Variants in TMEM108 observed in about 807,000 individuals in gnomAD.
TMEM108 encodes cancer/testis antigen 124.
TMEM108 carries 12 observed loss-of-function variants against 35.1 expected under a neutral mutation model. The observed-to-expected ratio is 0.34, with a 90% CI of 0.22 to 0.55. The LOEUF is 0.55. TMEM108 is among the 20% of genes least tolerant of loss of function. The pLI is 0.89. For synonymous variants in TMEM108, 287 were observed against 308.6 expected, an observed-to-expected ratio of 0.93 and a Z score of 0.73; for missense variants, 680 against 753.3, an observed-to-expected ratio of 0.90 and a Z score of 1.14.
At chr3:133,209,490 A>T (rs185976033) in intron 2 of TMEM108, among the ~76,000 whole-genome samples, 108 of 152,054 alleles carry the variant, frequency 7.1e-4, no homozygotes, top group African/African-American at 2.5e-3. Context: ...AAAGATGGGG[A>T]GCATGTCTCA....
At chr3:133,386,990 G>C (rs1375211163) in intron 4 of TMEM108, 4 of 986,116 alleles carry the variant, frequency 4.1e-6, no homozygotes, top group Non-Finnish European at 4.8e-6. Context: ...TCAGTGCTGG[G>C]AATATAGTAG....
intron 2 of TMEM108, among the ~76,000 whole-genome samples, chr3:133,057,582 G>A (rs1943486352): frequency 6.7e-6 from 1 of 150,284 alleles, no homozygotes; most frequent in South Asian, 2.1e-4. Context: ...TGCATTCTTT[G>A]GTTATTCATG....
At chr3:133,269,290 A>T (rs1320395490) in intron 3 of TMEM108, among the ~76,000 whole-genome samples, 1 of 152,230 alleles carries the variant, frequency 6.6e-6, no homozygotes, top group African/African-American at 2.4e-5. Context: ...TTAAAAACTG[A>T]TAAATGAGCA....
rs533631068 is a variant in TMEM108 at position 133,063,876 on chromosome 3, G to A, written c.-47+17856G>A. Among the ~76,000 whole-genome samples, 23 of 152,186 alleles carry A rather than the reference G, an allele frequency of 1.5e-4. No homozygotes were observed. In the South Asian group the frequency reaches 3.9e-3, roughly 26 times the overall value. ...ACCAAGCATTCATTACCCCTGTCCA[G>A]GGAAGTATAATGAACAGTAGAGGTC... On this transcript the variant is annotated intron_variant, in intron 2 of 5. Coordinates refer to ENST00000321871, the MANE Select transcript of TMEM108 (RefSeq NM_023943.4).
At chr3:133,082,017 C>G (rs1016278509) in intron 2 of TMEM108, among the ~76,000 whole-genome samples, 4 of 152,202 alleles carry the variant, frequency 2.6e-5, no homozygotes, top group Admixed American at 2.6e-4. Flanking sequence ...CCTAAAGACA[C>G]CCACAGCTAG....
At chr3:133,367,578 G>A (rs886449537) in intron 3 of TMEM108, among the ~76,000 whole-genome samples, 1 of 152,236 alleles carries the variant, frequency 6.6e-6, no homozygotes, top group African/African-American at 2.4e-5. Context: ...AACTGGAGCC[G>A]GCAGTGAACC....
intron 3 of TMEM108, among the ~76,000 whole-genome samples, chr3:133,326,862 G>C (rs2071339597): frequency 6.6e-6 from 1 of 152,180 alleles, no homozygotes; most frequent in South Asian, 2.1e-4. Context: ...CCACTTAGAG[G>C]ATTTAATGAA....
intron 2 of TMEM108, among the ~76,000 whole-genome samples, chr3:133,130,100 G>A (rs990536928): frequency 2.6e-5 from 4 of 152,146 alleles, no homozygotes; most frequent in Non-Finnish European, 5.9e-5. Context: ...TTAACTTTCA[G>A]AAGTGGTGCT....
chr3:133,358,781 T>G (rs2072255403), intron 3 of TMEM108, among the ~76,000 whole-genome samples: 1 of 152,176 alleles, frequency 6.6e-6, no homozygotes, highest in Non-Finnish European at 1.5e-5. Context: ...TTCTTTTGCT[T>G]CTGTTCACTT....
intron 2 of TMEM108, among the ~76,000 whole-genome samples, chr3:133,163,609 C>CA (rs1267907827): frequency 8.5e-5 from 13 of 152,142 alleles, no homozygotes; most frequent in African/African-American, 2.9e-4. Context: ...CAGGGGCTCA[C>CA]ACTCATTCCT....
intron 2 of TMEM108, among the ~76,000 whole-genome samples, chr3:133,133,155 A>G (rs530687694): frequency 1.2e-5 from 1 of 80,796 alleles, no homozygotes; most frequent in African/African-American, 6.4e-5. Flanking sequence ...AACTTAGTTG[A>G]TGCAGCAGCA....
intron 5 of TMEM108, among the ~76,000 whole-genome samples, chr3:133,394,872 C>G (rs2073283775): frequency 6.6e-6 from 1 of 152,248 alleles, no homozygotes. Context: ...TAAAAATAAA[C>G]TTCAGAGAAT....
At chr3:133,105,631 G>C (rs115382972) in intron 2 of TMEM108, among the ~76,000 whole-genome samples, 106 of 152,176 alleles carry the variant, frequency 7.0e-4, no homozygotes, top group African/African-American at 2.2e-3. Flanking sequence ...ATGTGTGTGC[G>C]TGCACATGTG....
chr3:133,186,214 A>T (rs1215221714), intron 2 of TMEM108, among the ~76,000 whole-genome samples: 2 of 152,174 alleles, frequency 1.3e-5, no homozygotes, highest in Non-Finnish European at 2.9e-5. Flanking sequence ...TGTTCACTTC[A>T]TTAGGAACCG....
chr3:133,158,892 T>G (rs1944920464), intron 2 of TMEM108, among the ~76,000 whole-genome samples: 1 of 152,156 alleles, frequency 6.6e-6, no homozygotes, highest in Non-Finnish European at 1.5e-5. Context: ...CCAATCAAGG[T>G]TTGTGAACAG....
intron 2 of TMEM108, among the ~76,000 whole-genome samples, chr3:133,055,609 T>C (rs1401414558): frequency 6.6e-6 from 1 of 152,216 alleles, no homozygotes; most frequent in Admixed American, 6.5e-5. Context: ...CCCCCAGCCC[T>C]GAACTGCCCT....
At chr3:133,057,748 A>T (rs1943488446) in intron 2 of TMEM108, among the ~76,000 whole-genome samples, 1 of 152,164 alleles carries the variant, frequency 6.6e-6, no homozygotes, top group South Asian at 2.1e-4. Context: ...TTTTCGAGAA[A>T]AATTAAGATA....
chr3:133,288,832 T>C (rs1218713782), intron 3 of TMEM108, among the ~76,000 whole-genome samples: 1 of 152,090 alleles, frequency 6.6e-6, no homozygotes, highest in African/African-American at 2.4e-5. Flanking sequence ...CCATCTCCTG[T>C]TTAAGCAATT....
At chr3:133,347,480 A>C (rs2071856962) in intron 3 of TMEM108, among the ~76,000 whole-genome samples, 1 of 151,984 alleles carries the variant, frequency 6.6e-6, no homozygotes, top group East Asian at 1.9e-4. Context: ...AAACCAACTG[A>C]CTTTTGTATA....
Sources: allele counts gnomAD v4.1 joint callset (sites outside exome capture counted in the v4.1 genomes callset), GRCh38; gene constraint gnomAD v4.1.1; transcripts MANE v1.5; gene names NCBI Gene and HGNC (gene_info 2026-07-23, HGNC 2026-07-21).